The following SULT1C2 variants were observed in gnomAD, a reference collection of about 807,000 sequenced individuals.
The protein encoded by SULT1C2 is sulfotransferase family 1C member 2.
In SULT1C2, 27 loss-of-function variants were observed where a neutral mutation model predicts 36.0. The ratio of observed to expected loss-of-function variants is 0.75; its 90% CI spans 0.55 to 1.03. The LOEUF is 1.03. Ranked by LOEUF, SULT1C2 falls within the 50% of genes least tolerant of loss-of-function variation. SULT1C2 has a pLI of 0.00. For missense variants in SULT1C2, 395 were observed against 359.2 expected (o/e 1.10, Z -0.80); for synonymous variants, 121 against 116.0 (o/e 1.04, Z -0.27).
chr2:108,296,573 T>C (rs954963854), intron 3 of SULT1C2, among the ~76,000 whole-genome samples: 1 of 152,066 alleles, frequency 6.6e-6, no homozygotes, highest in African/African-American at 2.4e-5. Flanking sequence ...TGCCTCAGCC[T>C]CCCAAGTAGC....
Position 108,293,676 on chromosome 2 carries a change from G to C in SULT1C2, c.9G>C (p.Leu3=). ...CCCAACCCTGAGACACTATGGCCCT[G>C]ACCTCAGACCTGGGGAAACAGATAA... MA[L]TSDLGKQIKL... Residue 3 remains leucine, a synonymous_variant, in exon 2 of 8, where the codon CTG becomes CTC. Coordinates refer to ENST00000251481, the MANE Select transcript of SULT1C2 (RefSeq NM_001056.4). 1 of 1,613,538 alleles carries C rather than the reference G, an allele frequency of 6.2e-7. No individual in the cohort carries two copies. The highest frequency in any genetic ancestry group is 8.5e-7 in the Non-Finnish European group (1 of 1,179,760).
At chr2:108,295,171 A>G (rs1469257065) in intron 3 of SULT1C2, among the ~76,000 whole-genome samples, 1 of 152,250 alleles carries the variant, frequency 6.6e-6, no homozygotes, top group Non-Finnish European at 1.5e-5. Context: ...TGCATACAAG[A>G]CACTTGTAAC....
chr2:108,298,281 A>G (rs1676786658), intron 3 of SULT1C2, among the ~76,000 whole-genome samples: 1 of 152,048 alleles, frequency 6.6e-6, no homozygotes, highest in South Asian at 2.1e-4. Flanking sequence ...AACCCTACTC[A>G]TTGTAGGTTT....
At chr2:108,297,563 C>T (rs1676766068) in intron 3 of SULT1C2, among the ~76,000 whole-genome samples, 1 of 152,138 alleles carries the variant, frequency 6.6e-6, no homozygotes. Context: ...TGGGAATGGG[C>T]CCTGCAGCCT....
At chr2:108,298,288 G>T (rs750110046) in intron 3 of SULT1C2, among the ~76,000 whole-genome samples, 5 of 152,136 alleles carry the variant, frequency 3.3e-5, no homozygotes, top group Non-Finnish European at 7.4e-5. Context: ...CTCATTGTAG[G>T]TTTTCATGTC....
intron 1 of SULT1C2, among the ~76,000 whole-genome samples, chr2:108,291,755 T>C (rs1676597234): frequency 6.6e-6 from 1 of 152,116 alleles, no homozygotes; most frequent in Admixed American, 6.5e-5. Flanking sequence ...AATAAAATTG[T>C]CATATGAATT....
intron 7 of SULT1C2, among the ~76,000 whole-genome samples, chr2:108,307,131 T>G (rs551243028): frequency 6.6e-6 from 1 of 152,334 alleles, no homozygotes; most frequent in South Asian, 2.1e-4. Flanking sequence ...TTTATGTTGT[T>G]GCATTTTCCA....
intron 3 of SULT1C2, chr2:108,299,964 T>C (rs141971055): frequency 2.0e-5 from 3 of 152,372 alleles, no homozygotes; most frequent in African/African-American, 7.2e-5. Flanking sequence ...AGCCTCTGAT[T>C]CCCACACTAG....
intron 4 of SULT1C2, chr2:108,301,191 C>T (rs1227968623): frequency 4.6e-6 from 2 of 434,146 alleles, no homozygotes; most frequent in African/African-American, 4.0e-5. Context: ...GTGCAGTAAG[C>T]GTAGCTGTGA....
In SULT1C2 at chr2:108,293,756, G is replaced by A; in HGVS notation, c.89G>A (p.Ser30Asn). The change falls in exon 2 of 8, where the codon AGC becomes AAC. Residue 30 changes from serine (S) to asparagine (N), a missense_variant. Physicochemically the swap from Ser to Asn is conservative, Grantham distance 46 (BLOSUM62 1). Coordinates refer to ENST00000251481, the MANE Select transcript of SULT1C2 (RefSeq NM_001056.4). ...CAGCCTGCAACTGTGGACAACTGGA[G>A]CCAGATCCAGAGCTTCGAGGCCAAA... Reference protein sequence around the residue: ...LLQPATVDNWSQIQSFEAKPD... With the variant: ...LLQPATVDNWNQIQSFEAKPD... 1 of 1,614,130 alleles carries A rather than the reference G, an allele frequency of 6.2e-7. No homozygotes were observed. The highest frequency in any genetic ancestry group is 8.5e-7 in the Non-Finnish European group (1 of 1,180,018).
intron 3 of SULT1C2, among the ~76,000 whole-genome samples, chr2:108,295,979 C>T (rs1321731649): frequency 6.6e-6 from 1 of 152,076 alleles, no homozygotes; most frequent in East Asian, 1.9e-4. Flanking sequence ...TTGTAGAGAT[C>T]GGGTTTCACT....
At chr2:108,297,147 G>C (rs978565067) in intron 3 of SULT1C2, among the ~76,000 whole-genome samples, 4 of 152,166 alleles carry the variant, frequency 2.6e-5, no homozygotes, top group Admixed American at 6.5e-5. Context: ...CTATGCTCAA[G>C]GGCCTATGCT....
intron 3 of SULT1C2, chr2:108,299,974 G>C (rs1438422523): frequency 6.6e-6 from 1 of 152,236 alleles, no homozygotes; most frequent in Non-Finnish European, 1.5e-5. Flanking sequence ...TCCCACACTA[G>C]AGTGGAAGCT....
chr2:108,295,277 C>T (rs1171343441), intron 3 of SULT1C2, among the ~76,000 whole-genome samples: 1 of 152,328 alleles, frequency 6.6e-6, no homozygotes, highest in South Asian at 2.1e-4. Context: ...CTCTGGCTTT[C>T]GAAGAAGAGA....
Position 108,294,481 on chromosome 2 carries a change from T to TC in SULT1C2, c.277+127_277+128insC, listed in dbSNP as rs1676675587. The TC allele has an allele frequency of 1.5e-4, 41 of 280,114 alleles. 1 individual carries two copies. The Admixed American group carries it at 3.0e-3, about 20-fold the overall frequency. The allele number at this position is 280,114 out of a possible 1,614,324, so 17.4% of individuals were successfully genotyped here. A position where few individuals can be genotyped will look rare whatever the true frequency, so the allele number is the denominator to read the frequency against. On this transcript the variant is annotated intron_variant, in intron 3 of 7. Coordinates refer to ENST00000251481, the MANE Select transcript of SULT1C2 (RefSeq NM_001056.4). ...CCCCCATCTCTCCTTCCTCTTCTCT[T>TC]TCTCTCTCATTTTCACTGTCATATG...
chr2:108,295,500 C>T (rs910092610), intron 3 of SULT1C2, among the ~76,000 whole-genome samples: 1 of 152,204 alleles, frequency 6.6e-6, no homozygotes, highest in Non-Finnish European at 1.5e-5. Flanking sequence ...TTAAGGACTA[C>T]CAGGGTTTAA....
At chr2:108,293,625 C>A (rs1170399914) in intron 1 of SULT1C2, 22 bp from the exon 2 acceptor site, 1 of 1,546,044 alleles carries the variant, frequency 6.5e-7, no homozygotes, top group African/African-American at 1.4e-5. Flanking sequence ...CTTTAAAAAT[C>A]TCCTCTATTC....
intron 4 of SULT1C2, chr2:108,303,722 G>A (rs891376084): frequency 6.6e-6 from 1 of 152,192 alleles, no homozygotes; most frequent in Non-Finnish European, 1.5e-5. Context: ...GTGGGAGCAA[G>A]GGGACTCTTC....
In SULT1C2 at chr2:108,308,704, G is replaced by A. The variant is rs1677082815; in HGVS notation, c.*240G>A. 1 of 429,672 alleles carries A rather than the reference G, an allele frequency of 2.3e-6. No individual in the cohort carries two copies. Among genetic ancestry groups the A allele is most frequent in the African/African-American group, 2.0e-5 (1 of 49,682 alleles). 26.6% of individuals were successfully genotyped at this position (429,672 alleles called of 1,614,324 possible). On this transcript the variant is annotated 3_prime_UTR_variant, in exon 8 of 8. Coordinates refer to ENST00000251481, the MANE Select transcript of SULT1C2 (RefSeq NM_001056.4). ...GATATAAGGTAGCTTAATAAACTAA[G>A]TAAAACGTATGACTTGAGTACAAAA... is the stretch of plus-strand genomic sequence containing the variant.
Sources: allele counts gnomAD v4.1 joint callset (sites outside exome capture counted in the v4.1 genomes callset), GRCh38; gene constraint gnomAD v4.1.1; transcripts MANE v1.5; gene names NCBI Gene and HGNC (gene_info 2026-07-23, HGNC 2026-07-21).